The following PDE10A variants were observed in gnomAD, a reference collection of about 807,000 sequenced individuals.
PDE10A encodes cAMP and cAMP-inhibited cGMP 3',5'-cyclic phosphodiesterase 10A.
PDE10A carries 39 observed loss-of-function variants against 97.7 expected under a neutral mutation model. The observed-to-expected ratio is 0.40, with a 90% CI of 0.31 to 0.52. The LOEUF (loss-of-function observed/expected upper bound fraction) is 0.52. PDE10A is among the 20% of genes least tolerant of loss of function. The pLI, the probability that PDE10A is intolerant of heterozygous loss-of-function variation, is 0.56. For missense variants in PDE10A, 731 were observed against 1,047.8 expected, an observed-to-expected ratio of 0.70 and a Z score of 4.17; for synonymous variants, 371 against 376.8, an observed-to-expected ratio of 0.98 and a Z score of 0.18.
chr6:165,677,245 A>G (rs1312067029), intron 1 of PDE10A, among the ~76,000 whole-genome samples: 2 of 152,192 alleles, frequency 1.3e-5, no homozygotes, highest in Non-Finnish European at 2.9e-5. Context: ...GAGGTCCTCT[A>G]AGGAAGAAGA....
intron 1 of PDE10A, among the ~76,000 whole-genome samples, chr6:165,558,594 A>C (rs1307060773): frequency 6.6e-6 from 1 of 152,156 alleles, no homozygotes; most frequent in African/African-American, 2.4e-5. Context: ...ACCTTCTTAA[A>C]AATGTTTGAT....
At chr6:165,652,140 G>C (rs1420675461) in intron 1 of PDE10A, among the ~76,000 whole-genome samples, 1 of 152,136 alleles carries the variant, frequency 6.6e-6, no homozygotes, top group East Asian at 1.9e-4. Flanking sequence ...TGACTGATTA[G>C]ACAACTTCTG....
chr6:165,910,859 TCGGCATCTGATCAATG>T (rs1392188877), intron 1 of PDE10A: 1 of 152,226 alleles, frequency 6.6e-6, no homozygotes, highest in Non-Finnish European at 1.5e-5. Flanking sequence ...AGCCATGGTT[TCGGCATCTGATCAATG>T]CGGATCCTGA....
At chr6:165,871,832 T>G (rs2498576) in intron 1 of PDE10A, among the ~76,000 whole-genome samples, 125,809 of 152,176 alleles carry the variant, frequency 0.83, 52,713 homozygotes, top group East Asian at 0.96. Context: ...GGGGGTGGGG[T>G]TATGCTATGC....
chr6:165,494,530 ATATATATT>A (rs1315262812), intron 2 of PDE10A, among the ~76,000 whole-genome samples: 3 of 141,730 alleles, frequency 2.1e-5, no homozygotes, highest in Admixed American at 2.1e-4. Flanking sequence ...ATATATATAT[ATATATATT>A]TATTTATTTA....
At chr6:165,714,905 C>T (rs1001837035) in intron 1 of PDE10A, among the ~76,000 whole-genome samples, 2 of 151,126 alleles carry the variant, frequency 1.3e-5, no homozygotes, top group African/African-American at 4.9e-5. Flanking sequence ...GGGAGCACCC[C>T]CTTCCCCAGC....
chr6:165,863,136 G>C (rs997043915), intron 1 of PDE10A, among the ~76,000 whole-genome samples: 1 of 152,230 alleles, frequency 6.6e-6, no homozygotes, highest in Non-Finnish European at 1.5e-5. Flanking sequence ...TTTGGGAGCA[G>C]TTTGTGGCCT....
At chr6:165,740,164 T>C (rs1419275465) in intron 1 of PDE10A, among the ~76,000 whole-genome samples, 1 of 152,152 alleles carries the variant, frequency 6.6e-6, no homozygotes, top group Non-Finnish European at 1.5e-5. Context: ...GCACTCCTAT[T>C]GCCCACTGTA....
intron 1 of PDE10A, among the ~76,000 whole-genome samples, chr6:165,733,258 C>T (rs1792484707): frequency 6.6e-6 from 1 of 152,162 alleles, no homozygotes; most frequent in African/African-American, 2.4e-5. Flanking sequence ...TAAAGGTATT[C>T]CCTGAAGAAT....
chr6:165,667,762 C>T (rs931487468), upstream of PDE10A, among the ~76,000 whole-genome samples: 1 of 151,740 alleles, frequency 6.6e-6, no homozygotes, highest in African/African-American at 2.4e-5. Context: ...TGAAAATAAG[C>T]TCTGCATAAT....
At chr6:165,851,897 C>G (rs2128474958) in intron 1 of PDE10A, among the ~76,000 whole-genome samples, 1 of 152,176 alleles carries the variant, frequency 6.6e-6, no homozygotes, top group African/African-American at 2.4e-5. Context: ...TCAAGACCAA[C>G]TTGGGCAACA....
intron 1 of PDE10A, among the ~76,000 whole-genome samples, chr6:165,746,443 C>T (rs1459133347): frequency 6.6e-6 from 1 of 152,214 alleles, no homozygotes; most frequent in Non-Finnish European, 1.5e-5. Context: ...CACATTCTTA[C>T]ATCAACAACA....
At chr6:165,728,190 C>G (rs1031411058) in intron 1 of PDE10A, among the ~76,000 whole-genome samples, 1 of 152,172 alleles carries the variant, frequency 6.6e-6, no homozygotes, top group African/African-American at 2.4e-5. Flanking sequence ...GACAGCCCTG[C>G]CAGAGCAGGT....
intron 18 of PDE10A, among the ~76,000 whole-genome samples, chr6:165,370,190 C>G (rs968898094): frequency 6.6e-6 from 1 of 151,122 alleles, no homozygotes; most frequent in African/African-American, 2.4e-5. Context: ...AAATAACCAG[C>G]CAACATCATA....
intron 1 of PDE10A, among the ~76,000 whole-genome samples, chr6:165,785,285 C>T (rs1778463291): frequency 6.6e-6 from 1 of 152,168 alleles, no homozygotes; most frequent in African/African-American, 2.4e-5. Flanking sequence ...TCAGTAAATA[C>T]TAGTAGTTAT....
chr6:165,603,761 T>C (rs956437035), intron 1 of PDE10A, among the ~76,000 whole-genome samples: 1 of 152,228 alleles, frequency 6.6e-6, no homozygotes, highest in African/African-American at 2.4e-5. Flanking sequence ...GCAAGTTCAA[T>C]GACGTATGTG....
intron 1 of PDE10A, among the ~76,000 whole-genome samples, chr6:165,749,234 CCACCA>C (rs1792918060): frequency 8.0e-6 from 1 of 125,272 alleles, no homozygotes; most frequent in Non-Finnish European, 1.7e-5. Context: ...ATCACCATCA[CCACCA>C]TCACATCACC....
intron 1 of PDE10A, among the ~76,000 whole-genome samples, chr6:165,727,414 G>T (rs1375808038): frequency 2.0e-5 from 3 of 152,244 alleles, no homozygotes; most frequent in African/African-American, 7.2e-5. Context: ...GAGAGAGGAG[G>T]CTTTCCAGGA....
intron 1 of PDE10A, among the ~76,000 whole-genome samples, chr6:165,686,588 C>T (rs1016535030): frequency 6.6e-6 from 1 of 152,206 alleles, no homozygotes; most frequent in Non-Finnish European, 1.5e-5. Context: ...AAGCAGAGCA[C>T]ACTTTCTAAA....
Sources: allele counts gnomAD v4.1 joint callset (sites outside exome capture counted in the v4.1 genomes callset), GRCh38; gene constraint gnomAD v4.1.1; transcripts MANE v1.5; gene names NCBI Gene and HGNC (gene_info 2026-07-23, HGNC 2026-07-21).